VCAN: variants seen among roughly 807,000 people sequenced by gnomAD.
VCAN encodes versican.
In VCAN, 44 loss-of-function variants were observed where a neutral mutation model predicts 245.5. The observed-to-expected ratio is 0.18, with a 90% confidence interval of 0.14 to 0.23. The LOEUF (loss-of-function observed/expected upper bound fraction) is 0.23, where lower values mean the gene tolerates loss of function less well. Ranked by LOEUF, VCAN falls within the 10% of genes least tolerant of loss-of-function variation. The probability of loss-of-function intolerance (pLI) is 1.00; values close to 1 mark genes in which losing one functional copy is unlikely to be tolerated. For synonymous variants in VCAN, 1,413 were observed against 1,437.0 expected (o/e 0.98, Z 0.38); for missense variants, 3,793 against 4,057.9 (o/e 0.93, Z 1.77).
chr5:83,556,599 A>G (rs1049428270), intron 12 of VCAN, among the ~76,000 whole-genome samples: 3 of 152,102 alleles, frequency 2.0e-5, no homozygotes, highest in African/African-American at 7.2e-5. Flanking sequence ...TCTATTAATA[A>G]TTGTCCTGGC....
Position 83,542,066 on chromosome 5 carries a change from G to T in VCAN, c.9063G>T (p.Gly3021=). 6.2e-7 allele frequency: 1 copy of T among 1,613,410 alleles called. No individual in the cohort carries two copies. Among genetic ancestry groups the T allele is most frequent in the African/African-American group, 1.3e-5 (1 of 74,992 alleles). Residue 3021 remains glycine (G), a synonymous_variant, in exon 8 of 15, where the codon GGG becomes GGT. Transcript: ENST00000265077. ...AAACTCAAGCAGCTTTAATCAGAGG[G>T]CAGGATTCCACGATAGCAGCATCAG... is the stretch of plus-strand genomic sequence containing the variant. ...NPETQAALIR[G]QDSTIAASEQ...
Position 83,540,187 on chromosome 5 carries a change from C to A in VCAN, c.7184C>A (p.Thr2395Lys). Reference protein sequence around the residue: ...NSSTAEINETTTSSTDFLARA... With the variant: ...NSSTAEINETKTSSTDFLARA... Reference sequence around the variant, plus strand: ...TCAACAGCAGAAATTAACGAAACAACAACCTCATCTACTGATTTTCTGGCT... The same window carrying A: ...TCAACAGCAGAAATTAACGAAACAAAAACCTCATCTACTGATTTTCTGGCT... Residue 2395 changes from threonine to lysine, a missense_variant, in exon 8 of 15, where the codon ACA (threonine) becomes AAA (lysine). Transcript: ENST00000265077. 1 of 1,614,062 alleles carries A rather than the reference C, an allele frequency of 6.2e-7. No homozygotes were observed. The highest frequency in any genetic ancestry group is 8.5e-7 in the Non-Finnish European group (1 of 1,179,998).
chr5:83,554,550 C>T (rs1220655284), intron 11 of VCAN, among the ~76,000 whole-genome samples: 2 of 151,712 alleles, frequency 1.3e-5, no homozygotes, highest in Admixed American at 6.6e-5. Context: ...ATGAGGGTAG[C>T]GTGGATAAGA....
chr5:83,539,762 C>T lies in VCAN; in HGVS notation c.6759C>T (p.Phe2253=). 1 of 1,613,958 alleles carries T rather than the reference C, an allele frequency of 6.2e-7. No individual in the cohort carries two copies. ...TIQESDTELL[F]SGLGSGEEVL... ...AAGAGTCAGATACTGAGCTCTTATT[C>T]TCTGGACTGGGATCAGGAGAAGAAG... The change falls in exon 8 of 15, where the codon TTC becomes TTT. Residue 2253 remains phenylalanine (F), a synonymous_variant. Coordinates refer to ENST00000265077, the MANE Select transcript of VCAN (RefSeq NM_004385.5).
Position 83,520,742 on chromosome 5 carries a change from C to T in VCAN, c.2436C>T (p.Ser812=), listed in dbSNP as rs979389984. 5 of 1,614,132 alleles carry T rather than the reference C, an allele frequency of 3.1e-6. No homozygotes were observed. Among genetic ancestry groups the T allele is most frequent in the Non-Finnish European group, 4.2e-6 (5 of 1,179,996 alleles). ...KWSWDEDNTT[S]KPLESTEPSA... ...CATGGGATGAAGATAATACAACATC[C>T]AAGCCTTTAGAGTCTACAGAACCTT... is the stretch of plus-strand genomic sequence containing the variant. Residue 812 remains serine (S), a synonymous_variant, in exon 7 of 15, where the codon TCC becomes TCT. Coordinates refer to ENST00000265077, the MANE Select transcript of VCAN (RefSeq NM_004385.5).
chr5:83,478,006 G>C (rs1188093704), intron 1 of VCAN, among the ~76,000 whole-genome samples: 3 of 147,818 alleles, frequency 2.0e-5, no homozygotes, highest in Non-Finnish European at 4.4e-5. Context: ...GCAGTGGCAC[G>C]ATCTCAGCTC....
At chr5:83,527,366 C>G (rs1359555903) in intron 7 of VCAN, among the ~76,000 whole-genome samples, 1 of 152,180 alleles carries the variant, frequency 6.6e-6, no homozygotes, top group Non-Finnish European at 1.5e-5. Context: ...GGTTCCTTTT[C>G]CTGAGCTCCA....
chr5:83,493,486 T>C, intron 3 of VCAN, 60 bp from the exon 4 acceptor site: 1 of 1,609,648 alleles, frequency 6.2e-7, no homozygotes. Flanking sequence ...AATGAGAAAT[T>C]TTGCACAGTG....
intron 6 of VCAN, among the ~76,000 whole-genome samples, chr5:83,516,608 G>A (rs1479273887): frequency 6.6e-6 from 1 of 152,230 alleles, no homozygotes; most frequent in Admixed American, 6.5e-5. Context: ...GGTTGGAAAG[G>A]AACTTTTGTG....
intron 10 of VCAN, among the ~76,000 whole-genome samples, chr5:83,551,249 G>A (rs1326294058): frequency 6.6e-6 from 1 of 152,016 alleles, no homozygotes; most frequent in East Asian, 1.9e-4. Context: ...GATAGCTCAC[G>A]CCTATAATCC....
chr5:83,498,224 T>A (rs1745220003), intron 5 of VCAN, among the ~76,000 whole-genome samples: 1 of 152,198 alleles, frequency 6.6e-6, no homozygotes, highest in Non-Finnish European at 1.5e-5. Flanking sequence ...TAGGTGATTC[T>A]TCTCATCTTT....
rs1424445248 is a variant in VCAN, at chr5:83,496,317, C to T, written c.748+2386C>T. ...CACTTCTAAAGAAGCCAGTTTGTGT[C>T]CCAATGTAACCCAACTGTATTTTAT... On this transcript the variant is annotated intron_variant, in intron 5 of 14. Coordinates refer to ENST00000265077, the MANE Select transcript of VCAN (RefSeq NM_004385.5). Among the ~76,000 whole-genome samples the T allele has an allele frequency of 2.0e-5, 3 of 152,282 alleles. No individual in the cohort carries two copies. The South Asian group carries it at 6.2e-4, about 32-fold the overall frequency.
At chr5:83,530,142 A>G (rs1222030680) in intron 7 of VCAN, among the ~76,000 whole-genome samples, 1 of 152,154 alleles carries the variant, frequency 6.6e-6, no homozygotes, top group African/African-American at 2.4e-5. Flanking sequence ...TTGGCTCTAT[A>G]GGACCTAAGA....
At chr5:83,514,319 G>A (rs571672606) in intron 6 of VCAN, among the ~76,000 whole-genome samples, 67 of 152,060 alleles carry the variant, frequency 4.4e-4, no homozygotes, top group African/African-American at 1.2e-3. Context: ...CATTTAGTGC[G>A]TAGAAGGTTA....
In VCAN at chr5:83,521,428, C is replaced by T; in HGVS notation, c.3122C>T (p.Thr1041Ile). ...TQEEFPWKEQ[T>I]AEKPVPALSS... ...GAAGAATTCCCTTGGAAAGAACAGA[C>T]TGCAGAGAAACCAGTTCCTGCTCTC... Residue 1041 changes from threonine (T) to isoleucine (I), a missense_variant, in exon 7 of 15, where the codon ACT becomes ATT. This residue lies in a region of VCAN where 3,182 missense variants were observed against 3,250.3 expected (regional missense o/e 0.98). Coordinates refer to ENST00000265077, the MANE Select transcript of VCAN (RefSeq NM_004385.5). 6.2e-7 allele frequency: 1 copy of T among 1,614,168 alleles called. No homozygotes were observed. The highest frequency in any genetic ancestry group is 8.5e-7 in the Non-Finnish European group (1 of 1,180,010).
chr5:83,490,132 C>T lies in VCAN; in HGVS notation c.105C>T (p.Ser35=). ...GAAAAAGCCCACCGGTGAGGGGCTCCCTCTCTGGAAAAGTCAGCCTACCTT... is the reference window on the plus strand; with the variant it reads ...GAAAAAGCCCACCGGTGAGGGGCTCTCTCTCTGGAAAAGTCAGCCTACCTT... The part of the protein sequence containing the change: ...KVGKSPPVRG[S]LSGKVSLPCH... The change falls in exon 3 of 15, where the codon TCC becomes TCT. Residue 35 remains serine (S), a synonymous_variant. Coordinates refer to ENST00000265077, the MANE Select transcript of VCAN (RefSeq NM_004385.5). 6.2e-7 allele frequency: 1 copy of T among 1,614,068 alleles called. No homozygotes were observed. The highest frequency in any genetic ancestry group is 8.5e-7 in the Non-Finnish European group (1 of 1,180,012).
At chr5:83,524,491 A>G (rs1038614063) in intron 7 of VCAN, among the ~76,000 whole-genome samples, 1 of 151,932 alleles carries the variant, frequency 6.6e-6, no homozygotes. Flanking sequence ...CTGTGGAATA[A>G]TTATGTATCT....
intron 6 of VCAN, 92 bp from the exon 7 acceptor site, chr5:83,519,257 C>A: frequency 7.3e-7 from 1 of 1,374,656 alleles, no homozygotes; most frequent in Admixed American, 1.9e-5. Flanking sequence ...AAAATACTCC[C>A]TACAAAATAC....
At chr5:83,558,941 A>C (rs960338336) in intron 12 of VCAN, among the ~76,000 whole-genome samples, 21 of 152,116 alleles carry the variant, frequency 1.4e-4, no homozygotes, top group African/African-American at 4.8e-4. Context: ...GATTTATATT[A>C]AGATTATTTC....
Sources: allele counts gnomAD v4.1 joint callset (sites outside exome capture counted in the v4.1 genomes callset), GRCh38; gene constraint gnomAD v4.1.1; regional missense constraint gnomAD v4.1.1; transcripts MANE v1.5; gene names NCBI Gene and HGNC (gene_info 2026-07-23, HGNC 2026-07-21).